The following ZNF536 variants were observed in gnomAD, a reference collection of about 807,000 sequenced individuals.
ZNF536 encodes the protein zinc finger protein 536.
ZNF536 carries 13 observed loss-of-function variants against 84.5 expected under a neutral mutation model. That is an observed-to-expected ratio of 0.15 (90% CI 0.10 to 0.24). The LOEUF (loss-of-function observed/expected upper bound fraction) is 0.24, where lower values mean the gene tolerates loss of function less well. ZNF536 is among the 10% of genes least tolerant of loss of function. The probability of loss-of-function intolerance (pLI) is 1.00; values close to 1 mark genes in which losing one functional copy is unlikely to be tolerated. For synonymous variants in ZNF536, 811 were observed against 742.5 expected (o/e 1.09, Z -1.50); for missense variants, 1,536 against 1,747.5 (o/e 0.88, Z 2.16).
rs1016316120 is a variant in ZNF536, at chr19:30,459,290, TTTTC to T, written c.2170+13574_2170+13577del. Among the ~76,000 whole-genome samples the T allele has an allele frequency of 2.8e-3, 418 of 151,708 alleles. 3 individuals are homozygous for T. Among genetic ancestry groups the T allele is most frequent in the African/African-American group, 8.9e-3 (368 of 41,340 alleles). On this transcript the variant is annotated intron_variant, in intron 2 of 4. Transcript: ENST00000355537. The stretch of plus-strand genomic sequence containing the variant: ...TTATTTCATTTGGGTACATCTTTCT[TTTTC>T]TTTCTTTCTTTCTTTTCCTTTCCTT...
In ZNF536 at chr19:30,557,422, G is replaced by A. The variant is rs2046004289; in HGVS notation, c.*258G>A. ...ATGGATTGCAAAGGCTTAGTAACTT[G>A]AGCAGGAGAGAAAACTCCCTCAAAG... On this transcript the variant is annotated 3_prime_UTR_variant, in exon 5 of 5. Coordinates refer to ENST00000355537, the MANE Select transcript of ZNF536 (RefSeq NM_014717.3). The A allele has an allele frequency of 5.4e-6, 2 of 369,644 alleles. No individual in the cohort carries two copies. The highest frequency in any genetic ancestry group is 9.7e-6 in the Non-Finnish European group (2 of 205,464). The allele number at this position is 369,644 out of a possible 1,614,324, so 22.9% of individuals were successfully genotyped here.
At chr19:30,685,919 C>T (rs1251738616) in intron 1 of ZNF536, among the ~76,000 whole-genome samples, 1 of 152,170 alleles carries the variant, frequency 6.6e-6, no homozygotes, top group African/African-American at 2.4e-5. Flanking sequence ...TGCGTGAGGC[C>T]ATCTGTATCT....
At chr19:30,587,931 C>A (rs2146754211) in intron 1 of ZNF536, among the ~76,000 whole-genome samples, 1 of 152,368 alleles carries the variant, frequency 6.6e-6, no homozygotes, top group South Asian at 2.1e-4. Flanking sequence ...ATTAAAAAGG[C>A]ACTTCTGTTT....
At position 30,475,739 on chromosome 19, in the gene ZNF536, G is replaced by A. The variant is rs1042804338; in HGVS notation, c.2170+30007G>A. On this transcript the variant is annotated intron_variant, in intron 2 of 4. Transcript: ENST00000355537. ...ACTCTAGCCAAACCCAACCCCACAC[G>A]AGCCCCAGACATGGCCCCGTGTACT... Among the ~76,000 whole-genome samples, 12 of 152,056 alleles carry A rather than the reference G, an allele frequency of 7.9e-5. 1 individual carries two copies. The South Asian group carries it at 2.3e-3, about 29-fold the overall frequency.
chr19:30,604,044 T>C (rs7257885), intron 1 of ZNF536, among the ~76,000 whole-genome samples: 81,646 of 151,880 alleles, frequency 0.54, 22,113 homozygotes, highest in East Asian at 0.63. Context: ...GAGCCGAGAT[T>C]GCACCATTGC....
intron 2 of ZNF536, among the ~76,000 whole-genome samples, chr19:30,337,113 C>G (rs1401781619): frequency 6.6e-6 from 1 of 152,098 alleles, no homozygotes; most frequent in African/African-American, 2.4e-5. Context: ...TTCTGATTCT[C>G]CTTTACCCCG....
chr19:30,685,239 T>A (rs1487449748), intron 1 of ZNF536, among the ~76,000 whole-genome samples: 1 of 152,210 alleles, frequency 6.6e-6, no homozygotes, highest in Non-Finnish European at 1.5e-5. Flanking sequence ...ACTGCACCCC[T>A]GTCTCCCATG....
intron 3 of ZNF536, among the ~76,000 whole-genome samples, chr19:30,362,464 C>T (rs2048305028): frequency 6.6e-6 from 1 of 152,204 alleles, no homozygotes; most frequent in Non-Finnish European, 1.5e-5. Context: ...GCTCCACTGT[C>T]CATGGTGCAG....
chr19:30,626,454 C>T (rs1307970228), intron 1 of ZNF536, among the ~76,000 whole-genome samples: 1 of 151,994 alleles, frequency 6.6e-6, no homozygotes, highest in Non-Finnish European at 1.5e-5. Context: ...CATGGGGATA[C>T]AAGCTGTTCG....
intron 1 of ZNF536, among the ~76,000 whole-genome samples, chr19:30,643,344 C>A (rs1347466264): frequency 1.3e-5 from 2 of 152,208 alleles, no homozygotes; most frequent in Non-Finnish European, 1.5e-5. Flanking sequence ...CTAAGACCCA[C>A]ACTCGACTTG....
chr19:30,646,137 C>A (rs1600136301), intron 1 of ZNF536, among the ~76,000 whole-genome samples: 1 of 152,160 alleles, frequency 6.6e-6, no homozygotes, highest in East Asian at 1.9e-4. Context: ...CTTGTAGCAA[C>A]AAAGGTCTTT....
intron 1 of ZNF536, among the ~76,000 whole-genome samples, chr19:30,667,840 A>G (rs1309523040): frequency 6.6e-6 from 1 of 151,956 alleles, no homozygotes; most frequent in East Asian, 1.9e-4. Flanking sequence ...GAGTGCTTGC[A>G]ATGTGCTAAG....
chr19:30,231,802 ATG>A (rs370690619), intron 1 of ZNF536, among the ~76,000 whole-genome samples: 53 of 149,604 alleles, frequency 3.5e-4, no homozygotes, highest in African/African-American at 1.0e-3. Flanking sequence ...GGTGGTGGTG[ATG>A]TGTGTGTGTG....
chr19:30,422,881 C>CCATT (rs1280835594), intron 1 of ZNF536, among the ~76,000 whole-genome samples: 2 of 138,116 alleles, frequency 1.4e-5, no homozygotes, highest in Admixed American at 7.3e-5. Context: ...ATCCATCCAT[C>CCATT]CATCCATGCG....
intron 1 of ZNF536, among the ~76,000 whole-genome samples, chr19:30,693,540 G>C (rs571773092): frequency 4.0e-4 from 61 of 152,084 alleles, no homozygotes; most frequent in Admixed American, 1.4e-3. Flanking sequence ...TTTTATAGTG[G>C]GGGGAGAGAA....
At chr19:30,328,088 C>T (rs760683019) in intron 2 of ZNF536, among the ~76,000 whole-genome samples, 3 of 152,122 alleles carry the variant, frequency 2.0e-5, no homozygotes, top group Non-Finnish European at 2.9e-5. Context: ...CAGAAACCCT[C>T]GATTCACAAC....
At chr19:30,248,777 A>G (rs2024441558) in intron 1 of ZNF536, among the ~76,000 whole-genome samples, 1 of 152,096 alleles carries the variant, frequency 6.6e-6, no homozygotes, top group African/African-American at 2.4e-5. Context: ...GTTCTGAGGA[A>G]TGATTATTTC....
intron 1 of ZNF536, among the ~76,000 whole-genome samples, chr19:30,686,490 G>A (rs1201110235): frequency 2.0e-5 from 3 of 152,192 alleles, no homozygotes; most frequent in Admixed American, 1.3e-4. Flanking sequence ...CCCAAGTGGG[G>A]CTCACACAGG....
chr19:30,615,042 G>C (rs1358308936), intron 1 of ZNF536, among the ~76,000 whole-genome samples: 2 of 131,564 alleles, frequency 1.5e-5, no homozygotes, highest in Non-Finnish European at 3.1e-5. Context: ...CGCCTCCCGG[G>C]TTCACGCCAT....
Sources: gnomAD v4.1 joint callset for allele counts (sites outside exome capture counted in the v4.1 genomes callset) on GRCh38, gnomAD v4.1.1 for gene constraint, MANE v1.5 for transcripts, NCBI Gene and HGNC (gene_info 2026-07-23, HGNC 2026-07-21) for gene names.